ANK2: variants seen among roughly 807,000 people sequenced by gnomAD.
The protein encoded by ANK2 is ankyrin 2, also known as ankyrin-2.
ANK2 carries 83 observed loss-of-function variants against 360.5 expected under a neutral mutation model. The ratio of observed to expected loss-of-function variants is 0.23; its 90% CI spans 0.19 to 0.28. The LOEUF (loss-of-function observed/expected upper bound fraction) is 0.28. ANK2 is among the 10% of genes least tolerant of loss of function. The pLI is 1.00. For missense variants in ANK2, 4,201 were observed against 4,795.7 expected (o/e 0.88, Z 3.66); for synonymous variants, 1,740 against 1,759.5 (o/e 0.99, Z 0.28).
intron 1 of ANK2, among the ~76,000 whole-genome samples, chr4:113,146,377 T>C (rs2096836091): frequency 6.6e-6 from 1 of 152,230 alleles, no homozygotes; most frequent in Non-Finnish European, 1.5e-5. Context: ...TATTTATTCA[T>C]GTATAGTTCG....
At chr4:112,949,804 G>A (rs899369649) in intron 2 of ANK2, among the ~76,000 whole-genome samples, 3 of 152,074 alleles carry the variant, frequency 2.0e-5, no homozygotes, top group Non-Finnish European at 2.9e-5. Context: ...ATTAGCATTC[G>A]TAACAATTAA....
Position 113,353,989 on chromosome 4 carries a change from G to A in ANK2, c.5371G>A (p.Val1791Ile), listed in dbSNP as rs148921195. The A allele has an allele frequency of 4.2e-5, 67 of 1,614,070 alleles. No homozygotes were observed. In the African/African-American group the frequency reaches 8.7e-4, roughly 21 times the overall value. Reference sequence around the variant, plus strand: ...AGGTCGAAGCAAGTTGCCCATCAGAGTCAAAGGCAAGGAGGACGTGCCAAA... The same window carrying A: ...AGGTCGAAGCAAGTTGCCCATCAGAATCAAAGGCAAGGAGGACGTGCCAAA... ...QKGRSKLPIR[V>I]KGKEDVPKKT... Residue 1791 changes from valine (V) to isoleucine (I), a missense_variant, in exon 38 of 46, where the codon GTC becomes ATC. Physicochemically the swap from Val to Ile is conservative, Grantham distance 29. Around this residue, in one of 4 missense-constraint regions of ANK2, gnomAD observed 2,642 missense variants for 2,714.5 expected, o/e 0.97. Coordinates refer to ENST00000357077, the MANE Select transcript of ANK2 (RefSeq NM_001148.6).
At chr4:113,033,333 C>T (rs892364930) in intron 2 of ANK2, among the ~76,000 whole-genome samples, 1 of 151,862 alleles carries the variant, frequency 6.6e-6, no homozygotes, top group Non-Finnish European at 1.5e-5. Context: ...TGGTTATAAT[C>T]CAATTAGTGG....
At chr4:113,124,700 C>T (rs1320941157) in intron 1 of ANK2, among the ~76,000 whole-genome samples, 1 of 152,136 alleles carries the variant, frequency 6.6e-6, no homozygotes, top group Non-Finnish European at 1.5e-5. Context: ...AGGGAAAACT[C>T]TTTTTTCTCT....
chr4:113,377,898 C>T (rs906755965), intron 45 of ANK2, among the ~76,000 whole-genome samples: 2 of 152,176 alleles, frequency 1.3e-5, no homozygotes, highest in African/African-American at 2.4e-5. Context: ...TAACAAATCT[C>T]CCTCACAAAT....
At chr4:112,775,506 T>C in the ANK2 span, among the ~76,000 whole-genome samples, 1 of 14,576 alleles carries the variant, frequency 6.9e-5, no homozygotes, top group Non-Finnish European at 2.0e-4. Context: ...GTGACAGAGC[T>C]AAGCTCCATC....
chr4:113,230,566 G>A (rs1025631560), intron 4 of ANK2, among the ~76,000 whole-genome samples: 1 of 151,988 alleles, frequency 6.6e-6, no homozygotes, highest in Non-Finnish European at 1.5e-5. Context: ...ATCTCTGAAC[G>A]CTGATCTGTG....
At chr4:113,039,510 G>T (rs1263981096) in intron 2 of ANK2, among the ~76,000 whole-genome samples, 1 of 150,978 alleles carries the variant, frequency 6.6e-6, no homozygotes, top group African/African-American at 2.4e-5. Context: ...AAACATTTCT[G>T]CCTCATAGAT....
chr4:112,795,314 G>C, the ANK2 span, among the ~76,000 whole-genome samples: 8 of 152,112 alleles, frequency 5.3e-5, no homozygotes, highest in Non-Finnish European at 1.2e-4. Context: ...TCAGAGACTT[G>C]ACATGATGAT....
chr4:113,060,400 GTAGA>G (rs1041228191), intron 1 of ANK2, among the ~76,000 whole-genome samples: 20 of 152,006 alleles, frequency 1.3e-4, no homozygotes, highest in South Asian at 2.1e-4. Flanking sequence ...AACGTGATGA[GTAGA>G]TAGTTTATGA....
At chr4:112,880,780 T>A (rs1020325812) in intron 1 of ANK2, 1 of 152,196 alleles carries the variant, frequency 6.6e-6, no homozygotes, top group Non-Finnish European at 1.5e-5. Flanking sequence ...CAGGGGTTGG[T>A]AACTTCCTTA....
intron 2 of ANK2, among the ~76,000 whole-genome samples, chr4:113,043,794 T>C (rs1312448758): frequency 6.6e-6 from 1 of 152,126 alleles, no homozygotes; most frequent in Non-Finnish European, 1.5e-5. Flanking sequence ...GTCAGAACAA[T>C]GACTTTTGGC....
chr4:113,122,164 T>G (rs2095406594), intron 1 of ANK2, among the ~76,000 whole-genome samples: 1 of 152,064 alleles, frequency 6.6e-6, no homozygotes. Flanking sequence ...AAGAATGAGT[T>G]GAAAGTGAAA....
intron 1 of ANK2, among the ~76,000 whole-genome samples, chr4:113,121,908 G>A (rs1379944725): frequency 6.6e-6 from 1 of 151,970 alleles, no homozygotes; most frequent in Non-Finnish European, 1.5e-5. Flanking sequence ...TTAATTGATA[G>A]CAATGATAAT....
At chr4:112,895,341 G>C (rs959897759) in intron 1 of ANK2, among the ~76,000 whole-genome samples, 2 of 152,072 alleles carry the variant, frequency 1.3e-5, no homozygotes, top group African/African-American at 2.4e-5. Context: ...CCTTTTAATC[G>C]TCCCTTTCAT....
chr4:113,305,847 T>C (rs946126757), intron 23 of ANK2, among the ~76,000 whole-genome samples: 18 of 152,186 alleles, frequency 1.2e-4, no homozygotes, highest in African/African-American at 4.3e-4. Context: ...AAAAAGAGTA[T>C]TCAAACTCTT....
intron 1 of ANK2, among the ~76,000 whole-genome samples, chr4:113,140,229 G>A (rs1432198474): frequency 2.6e-5 from 4 of 152,134 alleles, no homozygotes; most frequent in Admixed American, 2.6e-4. Flanking sequence ...ACTTGTCCTT[G>A]GATTCATGTG....
At chr4:113,186,803 C>A (rs754355312) in intron 2 of ANK2, among the ~76,000 whole-genome samples, 1 of 152,070 alleles carries the variant, frequency 6.6e-6, no homozygotes, top group Non-Finnish European at 1.5e-5. Flanking sequence ...GAAGAGAATT[C>A]GTCAGAATTA....
intron 1 of ANK2, among the ~76,000 whole-genome samples, chr4:113,097,186 C>T (rs74414583): frequency 0.027 from 4,029 of 150,774 alleles, 143 homozygotes; most frequent in East Asian, 0.1. Context: ...ATGATGTGAC[C>T]TTTGCACCAG....
Sources: allele counts gnomAD v4.1 joint callset (sites outside exome capture counted in the v4.1 genomes callset), GRCh38; gene constraint gnomAD v4.1.1; regional missense constraint gnomAD v4.1.1; transcripts MANE v1.5; gene names NCBI Gene and HGNC (gene_info 2026-07-23, HGNC 2026-07-21).